Variants in ZNF540 observed in about 807,000 individuals in gnomAD.
The protein encoded by ZNF540 is zinc finger protein 540.
ZNF540 carries 3 observed loss-of-function variants against 11.8 expected under a neutral mutation model. The ratio of observed to expected loss-of-function variants is 0.25; its 90% CI spans 0.12 to 0.65. The LOEUF (loss-of-function observed/expected upper bound fraction) is 0.65. ZNF540 is among the 30% of genes least tolerant of loss of function. The pLI, the probability that ZNF540 is intolerant of heterozygous loss-of-function variation, is 0.83. For synonymous variants in ZNF540, 247 were observed against 259.0 expected, an observed-to-expected ratio of 0.95 and a Z score of 0.45; for missense variants, 709 against 793.1, an observed-to-expected ratio of 0.89 and a Z score of 1.27.
chr19:37,586,117 A>T, intron 1 of ZNF540: 1 of 152,766 alleles, frequency 6.5e-6, no homozygotes, highest in East Asian at 1.9e-4. Context: ...TATTGATTTA[A>T]GCCACTAAAT....
rs1487518666 is a variant in ZNF540, at chr19:37,613,258, A to G, written c.1978A>G (p.Ile660Val). ...TCAACATCAGAAAACTCATAATGTA[A>G]TTTAATATAAGAAAAGGTTTCCATG... ...LYQHQKTHNV[I>V] is the part of the protein sequence containing the mutation. The change falls in exon 5 of 5, where the codon ATT becomes GTT. Residue 660 changes from isoleucine to valine, a missense_variant. Physicochemically the swap from Ile to Val is conservative, Grantham distance 29. Coordinates refer to ENST00000316433, the MANE Select transcript of ZNF540 (RefSeq NM_001172225.3). 6.7e-7 allele frequency: 1 copy of G among 1,486,214 alleles called. No homozygotes were observed. The highest frequency in any genetic ancestry group is 9.0e-7 in the Non-Finnish European group (1 of 1,116,764). 92.1% of individuals were successfully genotyped at this position (1,486,214 alleles called of 1,614,324 possible). A position where few individuals can be genotyped will look rare whatever the true frequency, so the allele number is the denominator to read the frequency against.
chr19:37,609,208 T>C (rs1453270647), intron 4 of ZNF540, among the ~76,000 whole-genome samples: 2 of 152,182 alleles, frequency 1.3e-5, no homozygotes, highest in Non-Finnish European at 2.9e-5. Context: ...TGGTTTTAGA[T>C]GTAAGAGAAC....
In ZNF540 at chr19:37,599,758, G is replaced by T; in HGVS notation, c.136+6G>T. On this transcript the variant is annotated splice_donor_region_variant and intron_variant, in intron 3 of 4. Transcript: ENST00000316433. ...TAATAACTTGGTCTCACTGGGTAAGGTCACCTATGTCAAATAATGTAGACT... is the reference window on the plus strand; with the variant it reads ...TAATAACTTGGTCTCACTGGGTAAGTTCACCTATGTCAAATAATGTAGACT... The T allele has an allele frequency of 1.3e-6, 2 of 1,588,188 alleles. No homozygotes were observed. Among genetic ancestry groups the T allele is most frequent in the Non-Finnish European group, 8.6e-7 (1 of 1,166,310 alleles).
chr19:37,566,567 T>TA, intron 1 of ZNF540: 1 of 290,118 alleles, frequency 3.4e-6, no homozygotes, highest in Admixed American at 4.7e-5. Flanking sequence ...AAAATAGTAA[T>TA]AAAAACACCC....
chr19:37,553,133 TTTTTTTTTTTTTTTTTTTG>T, intron 1 of ZNF540, among the ~76,000 whole-genome samples: 2 of 89,710 alleles, frequency 2.2e-5, no homozygotes, highest in East Asian at 3.5e-4. Flanking sequence ...TTTTTTTTTT[TTTTTTTTTTTTTTTTTTTG>T]GAGACAGTCT....
rs376141309 is a variant in ZNF540, at chr19:37,612,060, A to G, written c.780A>G (p.Arg260=). 1.2e-6 allele frequency: 2 copies of G among 1,612,040 alleles called. No individual in the cohort carries two copies. Among genetic ancestry groups the G allele is most frequent in the Non-Finnish European group, 8.5e-7 (1 of 1,179,528 alleles). ...TTACTCTTTACCCACAACTTAATCG[A>G]CATCAGAAAATTCACACTGGTAAAA... ...KTFTLYPQLN[R]HQKIHTGKKP... is the part of the protein sequence containing the mutation. Residue 260 remains arginine (R), a synonymous_variant, in exon 5 of 5, where the codon CGA becomes CGG. Coordinates refer to ENST00000316433, the MANE Select transcript of ZNF540 (RefSeq NM_001172225.3).
At chr19:37,575,261 G>C (rs2043204126) in intron 1 of ZNF540, among the ~76,000 whole-genome samples, 1 of 152,118 alleles carries the variant, frequency 6.6e-6, no homozygotes, top group Admixed American at 6.5e-5. Context: ...GTACTATTAT[G>C]CTTGATTGTA....
chr19:37,563,225 G>T (rs1400376168), intron 1 of ZNF540: 1 of 151,996 alleles, frequency 6.6e-6, no homozygotes, highest in Non-Finnish European at 1.5e-5. Flanking sequence ...CAGCTACTTG[G>T]CAGGCTGAGG....
intron 1 of ZNF540, chr19:37,567,540 A>G (rs1033545213): frequency 2.6e-5 from 4 of 152,158 alleles, no homozygotes; most frequent in Non-Finnish European, 4.4e-5. Context: ...TTGAGCCACT[A>G]CTATCTTCAG....
intron 4 of ZNF540, among the ~76,000 whole-genome samples, chr19:37,610,406 G>T (rs12460230): frequency 0.045 from 6,897 of 152,204 alleles, 209 homozygotes; most frequent in East Asian, 0.098. Flanking sequence ...AGAGCAAAAA[G>T]AAAAATCAGT....
upstream of ZNF540, among the ~76,000 whole-genome samples, chr19:37,591,728 G>A (rs1396733551): frequency 6.6e-6 from 1 of 151,980 alleles, no homozygotes; most frequent in African/African-American, 2.4e-5. Flanking sequence ...ATTTTTAGTA[G>A]AGACGGGGTT....
intron 1 of ZNF540, chr19:37,567,885 ATAGC>A (rs2042916511): frequency 6.6e-6 from 1 of 152,178 alleles, no homozygotes; most frequent in Non-Finnish European, 1.5e-5. Context: ...GTTTTATTAT[ATAGC>A]TAGTCCCCAG....
intron 1 of ZNF540, chr19:37,555,954 C>T (rs1478733679): frequency 2.9e-6 from 2 of 700,918 alleles, no homozygotes; most frequent in Admixed American, 4.0e-5. Flanking sequence ...CCAATCAGGG[C>T]AGAAAAACTG....
intron 1 of ZNF540, among the ~76,000 whole-genome samples, chr19:37,578,309 C>A (rs1046353287): frequency 6.6e-6 from 1 of 152,106 alleles, no homozygotes; most frequent in Non-Finnish European, 1.5e-5. Flanking sequence ...CAGCCACCTT[C>A]CTGGGACTGG....
intron 1 of ZNF540, among the ~76,000 whole-genome samples, chr19:37,553,073 G>A (rs1402202635): frequency 3.1e-5 from 3 of 97,106 alleles, no homozygotes; most frequent in Middle Eastern, 7.2e-3. Context: ...TTTTTAATCC[G>A]AGTCTTCATA....
At position 37,612,380 on chromosome 19, in the gene ZNF540, G is replaced by A. The variant is rs1190618858; in HGVS notation, c.1100G>A (p.Ser367Asn). The A allele has an allele frequency of 6.2e-7, 1 of 1,613,854 alleles. No individual in the cohort carries two copies. ...GAATGTGGAAAGACCTTTAGACTTA[G>A]TTTTTACCTTACTGAACACAGAAGA... ...CKECGKTFRLSFYLTEHRRTH... is the reference protein window; with the variant it reads ...CKECGKTFRLNFYLTEHRRTH... Residue 367 changes from serine (S) to asparagine (N), a missense_variant, in exon 5 of 5, where the codon AGT (serine) becomes AAT (asparagine). Physicochemically the swap from Ser to Asn is conservative, Grantham distance 46. Coordinates refer to ENST00000316433, the MANE Select transcript of ZNF540 (RefSeq NM_001172225.3).
chr19:37,589,200 C>CAAAAAAAAAAAAAAAAAAA (rs35689698), intron 1 of ZNF540, among the ~76,000 whole-genome samples: 1 of 108,904 alleles, frequency 9.2e-6, no homozygotes, highest in Non-Finnish European at 1.8e-5. Flanking sequence ...AACTCCGTCT[C>CAAAAAAAAAAAAAAAAAAA]AAAAAAAAAA....
At chr19:37,601,261 C>A (rs1259647629) in intron 4 of ZNF540, 156 bp downstream of exon 4, 7 of 547,122 alleles carry the variant, frequency 1.3e-5, no homozygotes, top group Non-Finnish European at 1.9e-5. Flanking sequence ...GAAAACAGAT[C>A]ATCTGAGCAT....
At chr19:37,593,250 G>A (rs1335369392), upstream of ZNF540, among the ~76,000 whole-genome samples, 1 of 152,120 alleles carries the variant, frequency 6.6e-6, no homozygotes, top group Non-Finnish European at 1.5e-5. Flanking sequence ...AACGGGGAAG[G>A]ATTGATACAA....
Sources: gnomAD v4.1 joint callset for allele counts (sites outside exome capture counted in the v4.1 genomes callset) on GRCh38, gnomAD v4.1.1 for gene constraint, MANE v1.5 for transcripts, NCBI Gene and HGNC (gene_info 2026-07-23, HGNC 2026-07-21) for gene names.